Variants in ASAP1 observed in about 807,000 individuals in gnomAD.
The protein encoded by ASAP1 is ArfGAP with SH3 domain, ankyrin repeat and PH domain 1, also known as arf-GAP with SH3 domain, ANK repeat and PH domain-containing protein 1.
A neutral mutation model predicts 145.2 loss-of-function variants in ASAP1; 43 were observed. The ratio of observed to expected loss-of-function variants is 0.30; its 90% confidence interval spans 0.23 to 0.38. The LOEUF (loss-of-function observed/expected upper bound fraction) is 0.38. Among genes scored for constraint, ASAP1 ranks in the 10% least tolerant of loss-of-function variants. ASAP1 has a pLI of 1.00. For synonymous variants in ASAP1, 546 were observed against 515.5 expected, an observed-to-expected ratio of 1.06 and a Z score of -0.80; for missense variants, 1,018 against 1,355.3, an observed-to-expected ratio of 0.75 and a Z score of 3.91.
intron 5 of ASAP1, among the ~76,000 whole-genome samples, chr8:130,204,714 C>T (rs1164007923): frequency 1.3e-5 from 2 of 152,176 alleles, no homozygotes; most frequent in East Asian, 1.9e-4. Flanking sequence ...AGCTTCCATG[C>T]GTCTAAGTCT....
At chr8:130,389,299 T>G (rs1310625014) in intron 2 of ASAP1, among the ~76,000 whole-genome samples, 1 of 152,192 alleles carries the variant, frequency 6.6e-6, no homozygotes, top group Non-Finnish European at 1.5e-5. Flanking sequence ...TCAGACAGCC[T>G]GTTTTTAATC....
chr8:130,185,818 C>T (rs61358542), intron 7 of ASAP1, among the ~76,000 whole-genome samples: 1,658 of 151,022 alleles, frequency 0.011, 27 homozygotes, highest in African/African-American at 0.039. Context: ...CAAGGAAGAG[C>T]ACCTGTACCA....
chr8:130,309,668 T>G (rs1218379430), intron 3 of ASAP1, among the ~76,000 whole-genome samples: 1 of 152,158 alleles, frequency 6.6e-6, no homozygotes, highest in Non-Finnish European at 1.5e-5. Context: ...AAGACAGTTC[T>G]GATATTGAGA....
At chr8:130,057,755 C>T (rs1229729469) in intron 29 of ASAP1, among the ~76,000 whole-genome samples, 199 bp downstream of exon 29, 2 of 152,186 alleles carry the variant, frequency 1.3e-5, no homozygotes, top group South Asian at 2.1e-4. Flanking sequence ...GCCAGCTCCA[C>T]GGCTGTTTTT....
At chr8:130,289,208 A>C (rs1821803574) in intron 3 of ASAP1, among the ~76,000 whole-genome samples, 1 of 149,274 alleles carries the variant, frequency 6.7e-6, no homozygotes, top group African/African-American at 2.5e-5. Flanking sequence ...AAAAACAAAC[A>C]AAAAAAAAAA....
At chr8:130,439,438 A>T in intron 1 of ASAP1, among the ~76,000 whole-genome samples, 1 of 152,164 alleles carries the variant, frequency 6.6e-6, no homozygotes, top group East Asian at 1.9e-4. Context: ...TGCTTACCCT[A>T]ATGTAATGCA....
At chr8:130,304,684 A>G (rs965388833) in intron 3 of ASAP1, among the ~76,000 whole-genome samples, 8 of 152,220 alleles carry the variant, frequency 5.3e-5, no homozygotes, top group Non-Finnish European at 7.3e-5. Context: ...TACATCACCA[A>G]CTAAATGATG....
chr8:130,147,260 T>C (rs1478840821), intron 13 of ASAP1, among the ~76,000 whole-genome samples: 1 of 140,018 alleles, frequency 7.1e-6, no homozygotes, highest in Non-Finnish European at 1.5e-5. Flanking sequence ...AAAATGGGGA[T>C]AGTTGTACAT....
chr8:130,198,070 G>A (rs1815622343), intron 5 of ASAP1, among the ~76,000 whole-genome samples: 1 of 152,054 alleles, frequency 6.6e-6, no homozygotes, highest in South Asian at 2.1e-4. Context: ...ACTGAGGCTA[G>A]GGGTTTGGCA....
At chr8:130,265,889 G>A (rs954821940) in intron 3 of ASAP1, among the ~76,000 whole-genome samples, 1 of 152,128 alleles carries the variant, frequency 6.6e-6, no homozygotes, top group Non-Finnish European at 1.5e-5. Flanking sequence ...CCCGAAAAAA[G>A]CAAAGAAGGA....
At chr8:130,339,873 C>T (rs1435715008) in intron 3 of ASAP1, among the ~76,000 whole-genome samples, 2 of 152,120 alleles carry the variant, frequency 1.3e-5, no homozygotes, top group African/African-American at 2.4e-5. Flanking sequence ...TCCTGCAAGT[C>T]CTGAAATTCC....
Position 130,053,757 on chromosome 8 carries a change from G to A in ASAP1, c.*974C>T, listed in dbSNP as rs1248413831. 1 of 152,194 alleles carries A rather than the reference G, an allele frequency of 6.6e-6. No homozygotes were observed. The highest frequency in any genetic ancestry group is 1.5e-5 in the Non-Finnish European group (1 of 68,036). The allele number at this position is 152,194 out of a possible 1,614,324, so 9.4% of individuals were successfully genotyped here. A position where few individuals can be genotyped will look rare whatever the true frequency, so the allele number is the denominator to read the frequency against. ...ATGCTTCAACACATCTGAGAGATGT[G>A]CATTCATAACACAATATGTCAATCC... is the stretch of plus-strand genomic sequence containing the variant. On this transcript the variant is annotated 3_prime_UTR_variant, in exon 30 of 30. Transcript: ENST00000518721.
intron 4 of ASAP1, among the ~76,000 whole-genome samples, chr8:130,229,855 A>T (rs1278168545): frequency 6.6e-6 from 1 of 152,174 alleles, no homozygotes; most frequent in Non-Finnish European, 1.5e-5. Flanking sequence ...AGCCTGGGCA[A>T]CATGGTGAAG....
intron 18 of ASAP1, among the ~76,000 whole-genome samples, chr8:130,119,565 C>T (rs567384162): frequency 6.6e-5 from 10 of 152,248 alleles, no homozygotes; most frequent in African/African-American, 2.4e-4. Context: ...TGGGGAAAGA[C>T]TAAAATGGAA....
chr8:130,376,188 C>T (rs984756856), intron 2 of ASAP1, among the ~76,000 whole-genome samples: 2 of 152,216 alleles, frequency 1.3e-5, no homozygotes, highest in African/African-American at 2.4e-5. Flanking sequence ...ACAGATAGGG[C>T]CTCCTAACCA....
chr8:130,072,331 T>C (rs1036437885), intron 27 of ASAP1, among the ~76,000 whole-genome samples: 7 of 152,204 alleles, frequency 4.6e-5, no homozygotes, highest in African/African-American at 9.6e-5. Flanking sequence ...AATTGAATCA[T>C]GGGGGCAGTT....
At position 130,397,228 on chromosome 8, in the gene ASAP1, C is replaced by T. The variant is rs1828573097; in HGVS notation, c.59+4657G>A. 2.6e-5 allele frequency among the ~76,000 whole-genome samples: 4 copies of T among 152,132 alleles called. No individual in the cohort carries two copies. The South Asian group carries it at 6.2e-4, about 24-fold the overall frequency. On this transcript the variant is annotated intron_variant, in intron 2 of 29. Transcript: ENST00000518721. ...CGATCTCAGCTCACTGCAACCTCTG[C>T]CTCCCAGGTTCAAGCAATTCTCATG...
chr8:130,437,612 A>G (rs1195892851), intron 1 of ASAP1, among the ~76,000 whole-genome samples: 2 of 150,274 alleles, frequency 1.3e-5, no homozygotes, highest in Non-Finnish European at 3.0e-5. Flanking sequence ...AATTATTTAG[A>G]TAGATAGACT....
Position 130,125,995 on chromosome 8 carries a change from C to A in ASAP1, c.1476G>T (p.Gln492His). 1 of 1,613,972 alleles carries A rather than the reference C, an allele frequency of 6.2e-7. No homozygotes were observed. The highest frequency in any genetic ancestry group is 8.5e-7 in the Non-Finnish European group (1 of 1,179,948). ...TTCCTAATTTGTCTAGTTCCAAAGA[C>A]TGAATGCGAGAAATATGAACCCCCA... is the stretch of plus-strand genomic sequence containing the variant. ...REMGVHISRIQSLELDKLGTS... is the reference protein window; with the variant it reads ...REMGVHISRIHSLELDKLGTS... Residue 492 changes from glutamine to histidine, a missense_variant, in exon 17 of 30, where the codon CAG (glutamine) becomes CAT (histidine). Around this residue, in one of 9 missense-constraint regions of ASAP1, gnomAD observed 153 missense variants for 221.6 expected, o/e 0.69. Transcript: ENST00000518721.
Sources: allele counts gnomAD v4.1 joint callset (sites outside exome capture counted in the v4.1 genomes callset), GRCh38; gene constraint gnomAD v4.1.1; regional missense constraint gnomAD v4.1.1; transcripts MANE v1.5; gene names NCBI Gene and HGNC (gene_info 2026-07-23, HGNC 2026-07-21).